COL24A1: variants seen among roughly 807,000 people sequenced by gnomAD.
COL24A1 encodes collagen alpha-1(XXIV) chain.
Under a neutral mutation model 253.9 loss-of-function variants are expected in COL24A1, and 224 were observed. The ratio of observed to expected loss-of-function variants is 0.88; its 90% CI spans 0.79 to 0.99. The LOEUF (loss-of-function observed/expected upper bound fraction) is 0.99, where lower values mean the gene tolerates loss of function less well. COL24A1 is among the 50% of genes least tolerant of loss of function. The probability of loss-of-function intolerance (pLI) is 0.00; values close to 1 mark genes in which losing one functional copy is unlikely to be tolerated. For missense variants in COL24A1, 2,131 were observed against 2,068.5 expected (o/e 1.03, Z -0.59); for synonymous variants, 685 against 673.7 (o/e 1.02, Z -0.26).
At chr1:85,795,035 A>G (rs1372812667) in intron 47 of COL24A1, among the ~76,000 whole-genome samples, 2 of 152,216 alleles carry the variant, frequency 1.3e-5, no homozygotes, top group African/African-American at 4.8e-5. Flanking sequence ...CAACAACAAC[A>G]TCAACCACAA....
At chr1:85,782,462 A>G (rs1421449777) in intron 51 of COL24A1, among the ~76,000 whole-genome samples, 2 of 152,114 alleles carry the variant, frequency 1.3e-5, no homozygotes, top group South Asian at 2.1e-4. Context: ...TTACATAAGT[A>G]TGATAGACTG....
At chr1:85,773,782 G>C (rs1381163774) in intron 53 of COL24A1, among the ~76,000 whole-genome samples, 3 of 152,102 alleles carry the variant, frequency 2.0e-5, no homozygotes, top group African/African-American at 7.2e-5. Context: ...TGAGATGATG[G>C]GGTTTTCTAA....
intron 56 of COL24A1, 105 bp from the exon 57 acceptor site, chr1:85,744,939 T>C (rs747007186): frequency 1.1e-4 from 93 of 820,964 alleles, no homozygotes; most frequent in Non-Finnish European, 1.8e-4. Context: ...AAGTTGTGAG[T>C]AGAATGTAAA....
intron 52 of COL24A1, among the ~76,000 whole-genome samples, chr1:85,777,239 C>T (rs970075934): frequency 7.4e-5 from 11 of 148,290 alleles, no homozygotes; most frequent in Non-Finnish European, 1.0e-4. Flanking sequence ...TGAGTCACTG[C>T]GCCTGGACCC....
At chr1:85,762,973 G>T (rs1042952946) in intron 53 of COL24A1, among the ~76,000 whole-genome samples, 1 of 152,140 alleles carries the variant, frequency 6.6e-6, no homozygotes, top group East Asian at 1.9e-4. Context: ...CCAGGATAGG[G>T]CAGGGCAACT....
chr1:85,839,087 C>G (rs746842008), intron 42 of COL24A1, among the ~76,000 whole-genome samples: 9 of 151,808 alleles, frequency 5.9e-5, no homozygotes, highest in Non-Finnish European at 1.0e-4. Context: ...ATAGTCCCAG[C>G]TACTTGGGAG....
chr1:86,048,544 G>A (rs963632452), intron 11 of COL24A1, among the ~76,000 whole-genome samples: 1 of 151,020 alleles, frequency 6.6e-6, no homozygotes, highest in African/African-American at 2.4e-5. Flanking sequence ...AGGCTGGAGT[G>A]CAGTGGTGCA....
At chr1:85,821,586 C>T (rs1239637868) in intron 45 of COL24A1, among the ~76,000 whole-genome samples, 4 of 152,184 alleles carry the variant, frequency 2.6e-5, no homozygotes, top group Non-Finnish European at 5.9e-5. Flanking sequence ...GAATAATACA[C>T]AGTCAGTCAT....
At chr1:86,026,048 G>C (rs986499481) in intron 14 of COL24A1, among the ~76,000 whole-genome samples, 1 of 152,092 alleles carries the variant, frequency 6.6e-6, no homozygotes, top group Non-Finnish European at 1.5e-5. Context: ...TATGCCATTA[G>C]ATTGTAATGT....
chr1:86,056,663 G>A (rs1700684082), intron 10 of COL24A1, among the ~76,000 whole-genome samples: 2 of 152,038 alleles, frequency 1.3e-5, no homozygotes, highest in African/African-American at 2.4e-5. Context: ...AGAGCAGCCT[G>A]GCCAACATGG....
intron 20 of COL24A1, among the ~76,000 whole-genome samples, chr1:85,971,804 C>G (rs145926634): frequency 4.6e-5 from 7 of 152,214 alleles, no homozygotes; most frequent in Middle Eastern, 6.8e-3. Context: ...GAGTCTGGAA[C>G]TCAGTATTCG....
At chr1:85,839,608 G>T (rs1411260430) in intron 42 of COL24A1, among the ~76,000 whole-genome samples, 1 of 151,882 alleles carries the variant, frequency 6.6e-6, no homozygotes, top group African/African-American at 2.4e-5. Flanking sequence ...CTGGTGGCAC[G>T]AGCCTGCAGT....
chr1:85,853,686 A>C (rs1236071631), intron 37 of COL24A1, among the ~76,000 whole-genome samples: 2 of 152,124 alleles, frequency 1.3e-5, no homozygotes, highest in African/African-American at 4.8e-5. Context: ...ATGGTATCTC[A>C]TTGTGGTTTT....
chr1:86,032,440 G>C (rs996338885), intron 13 of COL24A1, among the ~76,000 whole-genome samples: 5 of 151,736 alleles, frequency 3.3e-5, no homozygotes, highest in African/African-American at 1.2e-4. Context: ...ATATGTAAAG[G>C]CACCATAAAA....
intron 12 of COL24A1, chr1:86,045,936 G>A: frequency 2.6e-6 from 1 of 384,472 alleles, no homozygotes; most frequent in South Asian, 2.1e-5. Context: ...AAGGATTCTG[G>A]ATTTAGATTC....
intron 37 of COL24A1, among the ~76,000 whole-genome samples, chr1:85,867,968 C>A (rs544564546): frequency 6.6e-6 from 1 of 152,306 alleles, no homozygotes; most frequent in African/African-American, 2.4e-5. Context: ...TGGTCTCTAA[C>A]TCCTGACCTC....
chr1:85,911,434 CT>C lies in COL24A1; in HGVS notation c.2563-2del, dbSNP rs779946706. On this transcript the variant is annotated splice_acceptor_variant, in intron 24 of 59. Coordinates refer to ENST00000370571, the MANE Select transcript of COL24A1 (RefSeq NM_152890.7). LOFTEE classifies it high-confidence loss of function. ...CTTCTCCAGGTAAGCCAACAGGTCCCTTTTAGGAAAAAAAAATAACAGAAAA... is the reference window on the plus strand; with the variant it reads ...CTTCTCCAGGTAAGCCAACAGGTCCCTTTAGGAAAAAAAAATAACAGAAAA... The C allele has an allele frequency of 3.1e-6, 5 of 1,611,030 alleles. No homozygotes were observed. Among genetic ancestry groups the C allele is most frequent in the Non-Finnish European group, 4.2e-6 (5 of 1,178,264 alleles).
At chr1:85,967,338 A>G (rs1368659984) in intron 22 of COL24A1, among the ~76,000 whole-genome samples, 4 of 152,234 alleles carry the variant, frequency 2.6e-5, no homozygotes, top group Non-Finnish European at 4.4e-5. Flanking sequence ...AGGCTTGAAG[A>G]TAGAATTCAG....
rs762957691 is a variant in COL24A1 at position 86,022,311 on chromosome 1, CA to C, written c.2203-19del. On this transcript the variant is annotated intron_variant, in intron 17 of 59. Coordinates refer to ENST00000370571, the MANE Select transcript of COL24A1 (RefSeq NM_152890.7). ...ACAGCACCCTAAGAGAAGAGAATAACAGAAGAGAAAGTTATTATACCACAAA... is the reference window on the plus strand; with the variant it reads ...ACAGCACCCTAAGAGAAGAGAATAACGAAGAGAAAGTTATTATACCACAAA... 1.1e-5 allele frequency: 17 copies of C among 1,603,244 alleles called. No homozygotes were observed. The highest frequency in any genetic ancestry group is 3.3e-5 in the Admixed American group (2 of 59,898).
Sources: gnomAD v4.1 joint callset for allele counts (sites outside exome capture counted in the v4.1 genomes callset) on GRCh38, gnomAD v4.1.1 for gene constraint, MANE v1.5 for transcripts, NCBI Gene and HGNC (gene_info 2026-07-23, HGNC 2026-07-21) for gene names.